GRIK2: variants seen among roughly 807,000 people sequenced by gnomAD.
The protein encoded by GRIK2 is glutamate receptor ionotropic, kainate 2.
A neutral mutation model predicts 100.3 loss-of-function variants in GRIK2; 32 were observed. The ratio of observed to expected loss-of-function variants is 0.32; its 90% CI spans 0.24 to 0.43. The LOEUF (loss-of-function observed/expected upper bound fraction) is 0.43, where lower values mean the gene tolerates loss of function less well. GRIK2 is among the 20% of genes least tolerant of loss of function. The pLI is 1.00. For synonymous variants in GRIK2, 417 were observed against 389.4 expected (o/e 1.07, Z -0.83); for missense variants, 843 against 1,114.9 (o/e 0.76, Z 3.47).
chr6:101,643,598 G>T (rs182534424), intron 4 of GRIK2, among the ~76,000 whole-genome samples: 5 of 151,558 alleles, frequency 3.3e-5, no homozygotes, highest in African/African-American at 1.2e-4. Flanking sequence ...TTATATGTCT[G>T]CCTTTGTGCC....
intron 7 of GRIK2, among the ~76,000 whole-genome samples, chr6:101,788,605 T>C (rs138297088): frequency 3.1e-3 from 471 of 152,348 alleles, no homozygotes; most frequent in African/African-American, 0.011. Flanking sequence ...TAATCGGGTC[T>C]ATCATTGTTG....
At chr6:101,610,241 T>C (rs1277940464) in intron 2 of GRIK2, among the ~76,000 whole-genome samples, 1 of 151,574 alleles carries the variant, frequency 6.6e-6, no homozygotes, top group African/African-American at 2.4e-5. Flanking sequence ...ATAGTCCATA[T>C]AAATAATAGA....
At chr6:101,865,502 G>A (rs1336365422) in intron 11 of GRIK2, among the ~76,000 whole-genome samples, 1 of 152,112 alleles carries the variant, frequency 6.6e-6, no homozygotes, top group Non-Finnish European at 1.5e-5. Context: ...ATTCTAAATG[G>A]GAATTGACTT....
chr6:101,744,991 A>T (rs958048918), intron 7 of GRIK2: 1 of 152,184 alleles, frequency 6.6e-6, no homozygotes, highest in Non-Finnish European at 1.5e-5. Context: ...TAGGTAAGGC[A>T]AAAAGCAAGC....
intron 12 of GRIK2, among the ~76,000 whole-genome samples, chr6:101,918,144 C>G (rs1349944870): frequency 6.6e-6 from 1 of 150,598 alleles, no homozygotes; most frequent in African/African-American, 2.4e-5. Context: ...ACAAGATTTG[C>G]TTTGAATTTT....
At chr6:101,628,474 T>C (rs529505295) in intron 4 of GRIK2, among the ~76,000 whole-genome samples, 1 of 152,064 alleles carries the variant, frequency 6.6e-6, no homozygotes. Context: ...CTATTAAATT[T>C]ATTATATTGC....
At chr6:101,447,063 A>G (rs1272590711) in intron 2 of GRIK2, among the ~76,000 whole-genome samples, 5 of 148,938 alleles carry the variant, frequency 3.4e-5, no homozygotes, top group Admixed American at 2.7e-4. Context: ...TTGTGTATAT[A>G]TATATTACAG....
At chr6:101,938,380 T>C (rs1462210146) in intron 14 of GRIK2, among the ~76,000 whole-genome samples, 1 of 152,076 alleles carries the variant, frequency 6.6e-6, no homozygotes, top group Admixed American at 6.6e-5. Flanking sequence ...TCCAGATAGA[T>C]CAGGAAAAGG....
At chr6:101,579,086 G>C (rs1424344793) in intron 2 of GRIK2, among the ~76,000 whole-genome samples, 1 of 151,824 alleles carries the variant, frequency 6.6e-6, no homozygotes, top group Non-Finnish European at 1.5e-5. Context: ...CCAACACTAG[G>C]CACATTAAAA....
intron 14 of GRIK2, among the ~76,000 whole-genome samples, chr6:101,948,494 C>T (rs1160822367): frequency 6.8e-6 from 1 of 147,326 alleles, no homozygotes; most frequent in Admixed American, 6.8e-5. Flanking sequence ...TATAGTTATA[C>T]ATAATATAGT....
At chr6:101,509,815 TTCTTAGTATGAA>T (rs1774210095) in intron 2 of GRIK2, among the ~76,000 whole-genome samples, 1 of 152,170 alleles carries the variant, frequency 6.6e-6, no homozygotes, top group Admixed American at 6.5e-5. Flanking sequence ...TTACTTTGCT[TTCTTAGTATGAA>T]TCATGGGAGT....
At chr6:101,992,310 C>T (rs759325012) in intron 14 of GRIK2, among the ~76,000 whole-genome samples, 12 of 151,446 alleles carry the variant, frequency 7.9e-5, no homozygotes, top group Non-Finnish European at 1.5e-4. Context: ...GCTCTACGTT[C>T]TCAAAGTAAA....
At chr6:101,984,409 C>T (rs1443387005) in intron 14 of GRIK2, among the ~76,000 whole-genome samples, 4 of 151,284 alleles carry the variant, frequency 2.6e-5, no homozygotes, top group Non-Finnish European at 4.4e-5. Flanking sequence ...AGAATTGTCC[C>T]CTCAAAAAAT....
intron 7 of GRIK2, among the ~76,000 whole-genome samples, chr6:101,693,991 G>T (rs1417237674): frequency 1.3e-5 from 2 of 152,062 alleles, no homozygotes; most frequent in African/African-American, 4.8e-5. Flanking sequence ...GTTCAGGAAG[G>T]AGGGCCCCTC....
intron 11 of GRIK2, among the ~76,000 whole-genome samples, chr6:101,878,678 C>T (rs1437636182): frequency 2.0e-5 from 3 of 151,916 alleles, no homozygotes; most frequent in Non-Finnish European, 2.9e-5. Flanking sequence ...ACAAGTCATT[C>T]GTTATCGTCT....
intron 2 of GRIK2, among the ~76,000 whole-genome samples, chr6:101,483,522 AT>A (rs1045411948): frequency 6.6e-6 from 1 of 152,026 alleles, no homozygotes; most frequent in African/African-American, 2.4e-5. Flanking sequence ...TAACTGAAAA[AT>A]TTTTTTAACT....
chr6:102,010,072 G>A (rs1795446291), intron 14 of GRIK2, among the ~76,000 whole-genome samples: 1 of 152,032 alleles, frequency 6.6e-6, no homozygotes, highest in Non-Finnish European at 1.5e-5. Flanking sequence ...TGAACAGAAA[G>A]TAGAGAAAGT....
In GRIK2 at chr6:102,069,547, A is replaced by T. The variant is rs1265097004; in HGVS notation, c.*1036A>T. The T allele has an allele frequency of 6.6e-6, 1 of 151,858 alleles. No homozygotes were observed. The highest frequency in any genetic ancestry group is 1.5e-5 in the Non-Finnish European group (1 of 67,922). The allele number at this position is 151,858 out of a possible 1,614,324, so 9.4% of individuals were successfully genotyped here. On this transcript the variant is annotated 3_prime_UTR_variant, in exon 17 of 17. Coordinates refer to ENST00000369134, the MANE Select transcript of GRIK2 (RefSeq NM_021956.5). ...ATACGAGAAAGGGGACTGGTCATCTATAGAAAAATCTGTGAGAGAACTTGG... is the reference window on the plus strand; with the variant it reads ...ATACGAGAAAGGGGACTGGTCATCTTTAGAAAAATCTGTGAGAGAACTTGG...
chr6:101,483,238 C>T (rs1772630359), intron 2 of GRIK2, among the ~76,000 whole-genome samples: 1 of 152,144 alleles, frequency 6.6e-6, no homozygotes, highest in African/African-American at 2.4e-5. Flanking sequence ...GAATTCTACT[C>T]TCTGAAACCT....
Sources: allele counts gnomAD v4.1 joint callset (sites outside exome capture counted in the v4.1 genomes callset), GRCh38; gene constraint gnomAD v4.1.1; transcripts MANE v1.5; gene names NCBI Gene and HGNC (gene_info 2026-07-23, HGNC 2026-07-21).